Variants in IMMP2L observed in about 807,000 individuals in gnomAD.
IMMP2L encodes inner mitochondrial membrane peptidase subunit 2.
A neutral mutation model predicts 19.3 loss-of-function variants in IMMP2L; 18 were observed. The observed-to-expected ratio is 0.93, with a 90% CI of 0.64 to 1.38. The LOEUF (loss-of-function observed/expected upper bound fraction) is 1.38. Among genes scored for constraint, IMMP2L ranks in the 40% most tolerant of loss-of-function variants. The probability of loss-of-function intolerance (pLI) is 0.00; values close to 1 mark genes in which losing one functional copy is unlikely to be tolerated. For missense variants in IMMP2L, 233 were observed against 218.2 expected (o/e 1.07, Z -0.43); for synonymous variants, 76 against 73.0 (o/e 1.04, Z -0.21).
intron 3 of IMMP2L, among the ~76,000 whole-genome samples, chr7:111,397,698 T>G (rs1257011353): frequency 6.6e-6 from 1 of 152,194 alleles, no homozygotes; most frequent in Non-Finnish European, 1.5e-5. Flanking sequence ...TTTTGAACTA[T>G]CTGTTCATGA....
chr7:111,122,114 C>T (rs1387310606), intron 3 of IMMP2L, among the ~76,000 whole-genome samples: 1 of 151,616 alleles, frequency 6.6e-6, no homozygotes, highest in East Asian at 1.9e-4. Context: ...GGAGATATAC[C>T]TAATGTTAAA....
At chr7:110,802,067 T>C (rs1010963901) in intron 5 of IMMP2L, among the ~76,000 whole-genome samples, 2 of 152,090 alleles carry the variant, frequency 1.3e-5, no homozygotes, top group African/African-American at 4.8e-5. Context: ...ATATATTCTT[T>C]GCTGTGTTAT....
At chr7:110,778,950 T>C (rs1799566796) in intron 5 of IMMP2L, among the ~76,000 whole-genome samples, 1 of 151,938 alleles carries the variant, frequency 6.6e-6, no homozygotes, top group African/African-American at 2.4e-5. Flanking sequence ...AGCTGGGAAG[T>C]GGTGCTCAGT....
At chr7:111,502,443 T>C (rs1462690451) in intron 2 of IMMP2L, among the ~76,000 whole-genome samples, 2 of 152,040 alleles carry the variant, frequency 1.3e-5, no homozygotes, top group African/African-American at 4.8e-5. Context: ...TATCCAGGAA[T>C]TGAACTCACC....
At chr7:110,793,196 G>A (rs1488223228) in intron 5 of IMMP2L, among the ~76,000 whole-genome samples, 1 of 152,014 alleles carries the variant, frequency 6.6e-6, no homozygotes, top group African/African-American at 2.4e-5. Context: ...GAAGTGGGTG[G>A]ATCACTTGAG....
rs529293779 is a variant in IMMP2L, at chr7:111,492,000, T to C, written c.136-4659A>G. 2.0e-5 allele frequency among the ~76,000 whole-genome samples: 3 copies of C among 152,156 alleles called. No individual in the cohort carries two copies. In the South Asian group the frequency reaches 6.2e-4, roughly 32 times the overall value. ...TTACTGGTGTTTTTTTTGAAGTTTG[T>C]GACCACAACTCATAAGATCAAAAAT... On this transcript the variant is annotated intron_variant, in intron 2 of 5. Coordinates refer to ENST00000405709, the MANE Select transcript of IMMP2L (RefSeq NM_032549.4).
At chr7:110,701,415 G>T (rs553796587) in intron 5 of IMMP2L, among the ~76,000 whole-genome samples, 6 of 151,970 alleles carry the variant, frequency 3.9e-5, no homozygotes, top group South Asian at 2.1e-4. Flanking sequence ...CATGACAAAA[G>T]AATTTTTTTT....
intron 5 of IMMP2L, among the ~76,000 whole-genome samples, chr7:110,706,920 A>C (rs961894200): frequency 1.3e-5 from 2 of 151,200 alleles, no homozygotes; most frequent in African/African-American, 4.9e-5. Context: ...TTCTTTCCCA[A>C]GGTTGATACC....
intron 5 of IMMP2L, among the ~76,000 whole-genome samples, chr7:110,797,650 T>C (rs1800950169): frequency 1.3e-5 from 2 of 152,002 alleles, no homozygotes; most frequent in Admixed American, 1.3e-4. Flanking sequence ...TATCTGCCAT[T>C]CTAAATACCT....
At chr7:110,809,845 C>T (rs781222599) in intron 5 of IMMP2L, among the ~76,000 whole-genome samples, 4 of 151,978 alleles carry the variant, frequency 2.6e-5, no homozygotes, top group Non-Finnish European at 4.4e-5. Flanking sequence ...GACACCAAAC[C>T]GAAAATAATC....
At chr7:110,964,658 G>A in intron 3 of IMMP2L, among the ~76,000 whole-genome samples, 1 of 151,980 alleles carries the variant, frequency 6.6e-6, no homozygotes, top group East Asian at 1.9e-4. Context: ...GACTGTGATA[G>A]GATTCATCTG....
At chr7:111,458,328 A>T (rs917258781) in intron 3 of IMMP2L, among the ~76,000 whole-genome samples, 2 of 152,044 alleles carry the variant, frequency 1.3e-5, no homozygotes, top group Non-Finnish European at 2.9e-5. Flanking sequence ...GCAGTGAGCC[A>T]AGATCATGCC....
At chr7:111,224,419 A>G (rs1812859653) in intron 3 of IMMP2L, among the ~76,000 whole-genome samples, 1 of 152,150 alleles carries the variant, frequency 6.6e-6, no homozygotes, top group South Asian at 2.1e-4. Flanking sequence ...ACACCTGCTA[A>G]TGACATTTTA....
intron 1 of IMMP2L, among the ~76,000 whole-genome samples, chr7:111,539,332 T>A (rs1848316120): frequency 6.6e-6 from 1 of 152,184 alleles, no homozygotes; most frequent in East Asian, 1.9e-4. Context: ...TTGACTTTTC[T>A]GTATTTTTCT....
chr7:110,706,988 T>C (rs10256976), intron 5 of IMMP2L, among the ~76,000 whole-genome samples: 1 of 45,700 alleles, frequency 2.2e-5, no homozygotes, highest in East Asian at 5.9e-4. Context: ...GTGTTACACT[T>C]AAATTTTTTT....
At chr7:111,518,458 A>G (rs988946683) in intron 2 of IMMP2L, among the ~76,000 whole-genome samples, 3 of 152,106 alleles carry the variant, frequency 2.0e-5, no homozygotes, top group Admixed American at 6.6e-5. Flanking sequence ...CTTTTCCCAG[A>G]GTAAAGAAAA....
chr7:111,199,398 G>C (rs913037859), intron 3 of IMMP2L, among the ~76,000 whole-genome samples: 2 of 151,948 alleles, frequency 1.3e-5, no homozygotes, highest in Admixed American at 1.3e-4. Context: ...AAATATGTAC[G>C]TGGAACATGT....
chr7:110,919,751 T>C (rs1814043149), intron 4 of IMMP2L, among the ~76,000 whole-genome samples: 1 of 152,152 alleles, frequency 6.6e-6, no homozygotes, highest in Admixed American at 6.5e-5. Context: ...ACTGTGATGA[T>C]TGCATTAACC....
chr7:110,763,917 A>G (rs898925397), intron 5 of IMMP2L, among the ~76,000 whole-genome samples: 2 of 152,132 alleles, frequency 1.3e-5, no homozygotes, highest in African/African-American at 2.4e-5. Context: ...AATTTGGTTA[A>G]TGGGTTAGTA....
Sources: allele counts gnomAD v4.1 joint callset (sites outside exome capture counted in the v4.1 genomes callset), GRCh38; gene constraint gnomAD v4.1.1; transcripts MANE v1.5; gene names NCBI Gene and HGNC (gene_info 2026-07-23, HGNC 2026-07-21).